The following BUB1B variants were observed in gnomAD, a reference collection of about 807,000 sequenced individuals.
The protein encoded by BUB1B is BUB1 mitotic checkpoint serine/threonine kinase B.
In BUB1B, 86 loss-of-function variants were observed where a neutral mutation model predicts 137.7. That is an observed-to-expected ratio of 0.62 (90% CI 0.52 to 0.75). The LOEUF (loss-of-function observed/expected upper bound fraction) is 0.75. Among genes scored for constraint, BUB1B ranks in the 30% least tolerant of loss-of-function variants. The pLI is 0.00. For missense variants in BUB1B, 1,130 were observed against 1,236.9 expected, an observed-to-expected ratio of 0.91 and a Z score of 1.30; for synonymous variants, 420 against 417.9, an observed-to-expected ratio of 1.00 and a Z score of -0.06.
At chr15:40,195,362 T>A (rs1240058321) in intron 8 of BUB1B, among the ~76,000 whole-genome samples, 1 of 152,200 alleles carries the variant, frequency 6.6e-6, no homozygotes, top group Non-Finnish European at 1.5e-5. Flanking sequence ...ATATACCACA[T>A]TTTCTTTATC....
chr15:40,218,523 G>GGGAT lies in BUB1B; in HGVS notation c.2921_2924dup (p.Ser976TrpfsTer7), dbSNP rs1488094862. ...TTCAAGGAACACCTACAGGTCTTCTGGGATGGGTCCTTCTGGAAACTTAGC... is the reference window on the plus strand; with the variant it reads ...TTCAAGGAACACCTACAGGTCTTCTGGGATGGATGGGTCCTTCTGGAAACTTAGC... On this transcript the variant is annotated frameshift_variant, in exon 22 of 23. Coordinates refer to ENST00000287598, the MANE Select transcript of BUB1B (RefSeq NM_001211.6). LOFTEE classifies it high-confidence loss of function. The GGGAT allele has an allele frequency of 6.2e-7, 1 of 1,614,050 alleles. No homozygotes were observed. The highest frequency in any genetic ancestry group is 1.1e-5 in the South Asian group (1 of 91,066).
chr15:40,204,944 C>CTTTTTT (rs11333364), intron 14 of BUB1B, among the ~76,000 whole-genome samples: 2 of 94,798 alleles, frequency 2.1e-5, no homozygotes, highest in East Asian at 5.1e-4. Flanking sequence ...CTGGCCAAAT[C>CTTTTTT]TTTTTTTTTT....
intron 17 of BUB1B, 54 bp downstream of exon 17, chr15:40,209,829 A>AC: frequency 2.5e-6 from 4 of 1,584,158 alleles, no homozygotes; most frequent in Middle Eastern, 1.7e-4. Context: ...CAAATAAGTG[A>AC]TTATTTGTAC....
At chr15:40,187,271 G>A (rs547372083) in intron 8 of BUB1B, among the ~76,000 whole-genome samples, 3 of 151,854 alleles carry the variant, frequency 2.0e-5, no homozygotes, top group African/African-American at 4.8e-5. Context: ...GACTACAGGC[G>A]CCTGCCACCA....
chr15:40,161,931 C>T (rs891860293), intron 1 of BUB1B, among the ~76,000 whole-genome samples: 11 of 152,086 alleles, frequency 7.2e-5, no homozygotes, highest in Non-Finnish European at 1.5e-4. Context: ...TTTGGCTAAG[C>T]TCTGAGTGCA....
At chr15:40,208,890 A>G in intron 16 of BUB1B, 120 bp downstream of exon 16, 1 of 1,045,260 alleles carries the variant, frequency 9.6e-7, no homozygotes, top group Non-Finnish European at 1.4e-6. Context: ...GATGGAGTGC[A>G]GTGGCACAAT....
chr15:40,169,549 C>G (rs1224874856), intron 2 of BUB1B, among the ~76,000 whole-genome samples: 1 of 147,194 alleles, frequency 6.8e-6, no homozygotes, highest in Non-Finnish European at 1.5e-5. Context: ...ATTTGTTTCT[C>G]TAATTTCTAT....
chr15:40,193,253 A>G (rs7180335), intron 8 of BUB1B, among the ~76,000 whole-genome samples: 74,330 of 151,882 alleles, frequency 0.49, 19,258 homozygotes, highest in Non-Finnish European at 0.59. Context: ...CAAAGTAGCT[A>G]TACTGTTTTG....
At chr15:40,178,615 A>T (rs1379889143) in intron 5 of BUB1B, among the ~76,000 whole-genome samples, 2 of 152,122 alleles carry the variant, frequency 1.3e-5, no homozygotes, top group African/African-American at 4.8e-5. Flanking sequence ...TGTATCATTG[A>T]TGACTTTCTG....
chr15:40,181,494 A>T (rs559714704), intron 5 of BUB1B, among the ~76,000 whole-genome samples: 3 of 116,482 alleles, frequency 2.6e-5, no homozygotes, highest in Admixed American at 2.5e-4. Flanking sequence ...CGTTATTTTT[A>T]AAATGATTTT....
intron 14 of BUB1B, 77 bp downstream of exon 14, chr15:40,202,771 A>G: frequency 8.0e-7 from 1 of 1,246,798 alleles, no homozygotes. Flanking sequence ...CTTAAGGTTA[A>G]AATTGAAACC....
At chr15:40,173,295 TAAA>T (rs61078619) in intron 4 of BUB1B, among the ~76,000 whole-genome samples, 3 of 85,888 alleles carry the variant, frequency 3.5e-5, no homozygotes, top group Admixed American at 1.4e-4. Flanking sequence ...GAAAAAAAGA[TAAA>T]AAAAAAAAAA....
chr15:40,173,294 AT>A (rs1230907956), intron 4 of BUB1B, among the ~76,000 whole-genome samples: 9 of 117,034 alleles, frequency 7.7e-5, no homozygotes, highest in African/African-American at 3.5e-4. Context: ...AGAAAAAAAG[AT>A]AAAAAAAAAA....
At chr15:40,191,748 T>G (rs1245124370) in intron 8 of BUB1B, among the ~76,000 whole-genome samples, 3 of 152,238 alleles carry the variant, frequency 2.0e-5, no homozygotes, top group African/African-American at 7.2e-5. Context: ...TATTGAATGG[T>G]CTTGGCACTC....
intron 1 of BUB1B, among the ~76,000 whole-genome samples, chr15:40,163,807 C>G (rs1203411362): frequency 6.6e-6 from 1 of 152,146 alleles, no homozygotes; most frequent in Non-Finnish European, 1.5e-5. Context: ...GTCGATCAGC[C>G]TGTGGTAAAA....
At chr15:40,178,605 T>G (rs994866514) in intron 5 of BUB1B, among the ~76,000 whole-genome samples, 1 of 152,168 alleles carries the variant, frequency 6.6e-6, no homozygotes, top group Middle Eastern at 3.2e-3. Flanking sequence ...TCTGGTCTTC[T>G]GTATCATTGA....
chr15:40,217,158 A>G (rs777798895), intron 20 of BUB1B, among the ~76,000 whole-genome samples: 5 of 152,204 alleles, frequency 3.3e-5, no homozygotes, highest in Non-Finnish European at 4.4e-5. Context: ...TGTATAAATC[A>G]TTGCAATTGT....
At position 40,163,556 on chromosome 15, in the gene BUB1B, C is replaced by T. The variant is rs578075949; in HGVS notation, c.36-1497C>T. ...GGTAGGAGGTACTTCTTGAAATTTT[C>T]ACTCTCAAACATTTATTCCTTGAGT... On this transcript the variant is annotated intron_variant, in intron 1 of 22. Transcript: ENST00000287598. 2.0e-5 allele frequency among the ~76,000 whole-genome samples: 3 copies of T among 152,298 alleles called. No individual in the cohort carries two copies. The East Asian group carries it at 5.8e-4, about 29-fold the overall frequency.
chr15:40,216,821 A>G (rs1288825309), intron 20 of BUB1B, among the ~76,000 whole-genome samples: 3 of 151,892 alleles, frequency 2.0e-5, no homozygotes, highest in Non-Finnish European at 4.4e-5. Context: ...TTTCATTTAT[A>G]AACAGTTCCT....
Sources: gnomAD v4.1 joint callset for allele counts (sites outside exome capture counted in the v4.1 genomes callset) on GRCh38, gnomAD v4.1.1 for gene constraint, MANE v1.5 for transcripts, NCBI Gene and HGNC (gene_info 2026-07-23, HGNC 2026-07-21) for gene names.